The following TG variants were observed in gnomAD, a reference collection of about 807,000 sequenced individuals.
TG encodes the protein thyroglobulin.
TG carries 270 observed loss-of-function variants against 324.7 expected under a neutral mutation model. The observed-to-expected ratio is 0.83, with a 90% CI of 0.75 to 0.92. The LOEUF is 0.92. Ranked by LOEUF, TG falls within the 40% of genes least tolerant of loss-of-function variation. The probability of loss-of-function intolerance (pLI) is 0.00; values close to 1 mark genes in which losing one functional copy is unlikely to be tolerated. For missense variants in TG, 3,591 were observed against 3,456.4 expected (o/e 1.04, Z -0.98); for synonymous variants, 1,401 against 1,327.0 (o/e 1.06, Z -1.21).
chr8:133,090,715 A>G lies in TG; in HGVS notation c.7240-4329A>G, dbSNP rs571915290. Among the ~76,000 whole-genome samples, 59 of 152,320 alleles carry G rather than the reference A, an allele frequency of 3.9e-4. No individual in the cohort carries two copies. The South Asian group carries it at 0.012, about 31-fold the overall frequency. ...CTTTAATCTGCACATCAGCTCTGTG[A>G]ACGCTGATCATAATATCTCCATTTT... On this transcript the variant is annotated intron_variant, in intron 41 of 47. Coordinates refer to ENST00000220616, the MANE Select transcript of TG (RefSeq NM_003235.5).
intron 21 of TG, among the ~76,000 whole-genome samples, chr8:132,919,757 G>T (rs910988669): frequency 2.0e-5 from 3 of 152,146 alleles, no homozygotes; most frequent in Non-Finnish European, 4.4e-5. Flanking sequence ...ATGTCTCTTG[G>T]GTGGAAATGG....
chr8:133,042,044 C>T (rs562250878), intron 41 of TG, among the ~76,000 whole-genome samples: 3 of 152,184 alleles, frequency 2.0e-5, no homozygotes, highest in South Asian at 2.1e-4. Context: ...ACCTCAGCCT[C>T]CCAAAGTGCT....
chr8:132,885,477 TTATAA>T (rs1485447957), intron 8 of TG, among the ~76,000 whole-genome samples: 1 of 151,932 alleles, frequency 6.6e-6, no homozygotes, highest in Non-Finnish European at 1.5e-5. Context: ...AAAATATTTC[TTATAA>T]TAGGAACCAC....
Position 133,059,590 on chromosome 8 carries a change from G to C in TG, c.7239+29567G>C, listed in dbSNP as rs1369559016. On this transcript the variant is annotated intron_variant, in intron 41 of 47. Coordinates refer to ENST00000220616, the MANE Select transcript of TG (RefSeq NM_003235.5). ...TTGTCACCTTGCAATCCCACCAATGGGACATAAGGTTTCCTTTGTTTTCAG... is the reference window on the plus strand; with the variant it reads ...TTGTCACCTTGCAATCCCACCAATGCGACATAAGGTTTCCTTTGTTTTCAG... Among the ~76,000 whole-genome samples, 5 of 151,952 alleles carry C rather than the reference G, an allele frequency of 3.3e-5. No individual in the cohort carries two copies. The South Asian group carries it at 1.0e-3, about 32-fold the overall frequency.
Position 132,893,699 on chromosome 8 carries a change from C to G in TG, c.2771C>G (p.Ser924Cys). 2.5e-6 allele frequency: 4 copies of G among 1,613,726 alleles called. No homozygotes were observed. Among genetic ancestry groups the G allele is most frequent in the Non-Finnish European group, 2.5e-6 (3 of 1,179,880 alleles). ...ATTTTTATTCCCCTAGGTCCTGGCT[C>G]CTGTGAGGAAGCAAAGCTCCGTGTA... ...EPSKLPTCPG[S>C]CEEAKLRVLQ... Residue 924 changes from serine to cysteine, a missense_variant, in exon 11 of 48, where the codon TCC becomes TGC. Physicochemically the swap from Ser to Cys is moderately radical, Grantham distance 112 (BLOSUM62 -1). Transcript: ENST00000220616.
intron 35 of TG, among the ~76,000 whole-genome samples, chr8:132,993,778 G>A (rs1832613773): frequency 6.6e-6 from 1 of 152,166 alleles, no homozygotes; most frequent in Non-Finnish European, 1.5e-5. Flanking sequence ...TACCAGTTTT[G>A]TACCTGGTCC....
intron 27 of TG, among the ~76,000 whole-genome samples, chr8:132,957,624 C>T (rs367964606): frequency 1.3e-5 from 2 of 151,984 alleles, no homozygotes; most frequent in African/African-American, 4.8e-5. Flanking sequence ...AAAGACCTTC[C>T]TCTTGACATT....
intron 41 of TG, among the ~76,000 whole-genome samples, chr8:133,062,965 C>G (rs1842594812): frequency 6.6e-6 from 1 of 152,238 alleles, no homozygotes; most frequent in African/African-American, 2.4e-5. Flanking sequence ...CTGCCTCTGT[C>G]CTGCTCCTTG....
chr8:132,918,937 G>T (rs888187982), intron 20 of TG, among the ~76,000 whole-genome samples: 1 of 152,150 alleles, frequency 6.6e-6, no homozygotes, highest in East Asian at 1.9e-4. Context: ...CTTTCCATGG[G>T]TGTGATGTAT....
At chr8:133,107,479 GA>G (rs1421235724) in intron 43 of TG, among the ~76,000 whole-genome samples, 1 of 152,178 alleles carries the variant, frequency 6.6e-6, no homozygotes, top group African/African-American at 2.4e-5. Flanking sequence ...ACAGCTTGTG[GA>G]AGTCAGCACA....
Position 132,902,356 on chromosome 8 carries a change from G to A in TG, c.3634+803G>A, listed in dbSNP as rs537102265. Among the ~76,000 whole-genome samples the A allele has an allele frequency of 2.6e-5, 4 of 152,232 alleles. No homozygotes were observed. In the South Asian group the frequency reaches 8.3e-4, roughly 32 times the overall value. On this transcript the variant is annotated intron_variant, in intron 16 of 47. Transcript: ENST00000220616. ...CTGCAGGGAAATTTAATTGGGTCTA[G>A]TGATACTTCTGGTTGATATTTGTAA... is the stretch of plus-strand genomic sequence containing the variant.
At chr8:132,875,697 C>A (rs992348409) in intron 5 of TG, among the ~76,000 whole-genome samples, 5 of 152,198 alleles carry the variant, frequency 3.3e-5, no homozygotes, top group African/African-American at 1.2e-4. Flanking sequence ...AATAAGCATT[C>A]TTTGTTTAAA....
intron 39 of TG, among the ~76,000 whole-genome samples, chr8:133,021,457 A>G (rs1835555620): frequency 6.6e-6 from 1 of 152,194 alleles, no homozygotes; most frequent in Non-Finnish European, 1.5e-5. Context: ...AATGTGGGAG[A>G]AGTGTCCTCA....
intron 5 of TG, among the ~76,000 whole-genome samples, chr8:132,875,843 G>C (rs1839896425): frequency 6.6e-6 from 1 of 152,158 alleles, no homozygotes; most frequent in African/African-American, 2.4e-5. Flanking sequence ...TGTAATCAGG[G>C]ATTTTCCGAT....
At chr8:132,935,421 G>A (rs1823439501) in intron 24 of TG, among the ~76,000 whole-genome samples, 1 of 152,036 alleles carries the variant, frequency 6.6e-6, no homozygotes, top group Non-Finnish European at 1.5e-5. Context: ...TGGGATTACA[G>A]GTGTGAGCCA....
chr8:133,056,765 T>C (rs1164839118), intron 41 of TG, among the ~76,000 whole-genome samples: 1 of 152,186 alleles, frequency 6.6e-6, no homozygotes, highest in East Asian at 1.9e-4. Context: ...ATTCCCGTTT[T>C]ACAAAGGAGG....
rs766731108 is a variant in TG at position 133,133,636 on chromosome 8, A to G, written c.8164A>G (p.Ile2722Val). 1.9e-5 allele frequency: 31 copies of G among 1,614,046 alleles called. No individual in the cohort carries two copies. The highest frequency in any genetic ancestry group is 2.6e-5 in the Non-Finnish European group (31 of 1,180,026). ...KADCSFWSKY[I>V]SSLKTSADGA... ...CGACTGCTCCTTCTGGTCCAAGTACATCTCGTCTCTGAAGACATCTGCAGG... is the reference window on the plus strand; with the variant it reads ...CGACTGCTCCTTCTGGTCCAAGTACGTCTCGTCTCTGAAGACATCTGCAGG... The change falls in exon 47 of 48, where the codon ATC becomes GTC. Residue 2722 changes from isoleucine to valine, a missense_variant. Transcript: ENST00000220616.
chr8:133,125,177 G>C (rs1452057821), intron 45 of TG, among the ~76,000 whole-genome samples: 1 of 152,224 alleles, frequency 6.6e-6, no homozygotes, highest in Non-Finnish European at 1.5e-5. Context: ...AGGCAGAGAA[G>C]AGCTGCCTTC....
chr8:133,058,945 A>G (rs924496758), intron 41 of TG: 1 of 475,070 alleles, frequency 2.1e-6, no homozygotes, highest in Non-Finnish European at 4.2e-6. Context: ...GGGTCTTGGC[A>G]TGCTGGCTTG....
Sources: gnomAD v4.1 joint callset for allele counts (sites outside exome capture counted in the v4.1 genomes callset) on GRCh38, gnomAD v4.1.1 for gene constraint, MANE v1.5 for transcripts, NCBI Gene and HGNC (gene_info 2026-07-23, HGNC 2026-07-21) for gene names.